The following MYH13 variants were observed in gnomAD, a reference collection of about 807,000 sequenced individuals.
MYH13 encodes the protein myosin-13.
MYH13 carries 177 observed loss-of-function variants against 232.1 expected under a neutral mutation model. That is an observed-to-expected ratio of 0.76 (90% CI 0.67 to 0.86). The LOEUF (loss-of-function observed/expected upper bound fraction) is 0.86, where lower values mean the gene tolerates loss of function less well. MYH13 is among the 40% of genes least tolerant of loss of function. MYH13 has a pLI of 0.00. For missense variants in MYH13, 2,246 were observed against 2,405.9 expected (o/e 0.93, Z 1.39); for synonymous variants, 884 against 923.5 (o/e 0.96, Z 0.78).
At chr17:10,365,929 C>G (rs1413426738) in intron 2 of MYH13, among the ~76,000 whole-genome samples, 1 of 150,184 alleles carries the variant, frequency 6.7e-6, no homozygotes, top group African/African-American at 2.5e-5. Context: ...TCTCTCATCC[C>G]TTGTATCACT....
chr17:10,345,255 C>T lies in MYH13; in HGVS notation c.1531G>A (p.Glu511Lys), dbSNP rs1307948615. 10 of 1,614,190 alleles carry T rather than the reference C, an allele frequency of 6.2e-6. No homozygotes were observed. Among genetic ancestry groups the T allele is most frequent in the Admixed American group, 3.3e-5 (2 of 60,020 alleles). The change falls in exon 15 of 41, where the codon GAG becomes AAG. Residue 511 changes from glutamate to lysine, a missense_variant. Physicochemically the swap from Glu to Lys is moderately conservative, Grantham distance 56 (BLOSUM62 1). Coordinates refer to ENST00000252172, the MANE Select transcript of MYH13 (RefSeq NM_003802.3). ...EEYKKEGIEW[E>K]FIDFGMDLAA... Reference sequence around the variant, plus strand: ...AGGTCCATTCCGAAGTCAATGAACTCCCACTCGATGCCTTCCTTCTTGTAC... The same window carrying T: ...AGGTCCATTCCGAAGTCAATGAACTTCCACTCGATGCCTTCCTTCTTGTAC...
rs902751527 is a variant in MYH13, at chr17:10,313,269, G to T, written c.4070C>A (p.Ala1357Asp). 1.5e-5 allele frequency: 24 copies of T among 1,614,232 alleles called. No homozygotes were observed. Among genetic ancestry groups the T allele is most frequent in the Non-Finnish European group, 1.9e-5 (23 of 1,180,050 alleles). The change falls in exon 30 of 41, where the codon GCC (alanine) becomes GAC (aspartate). Residue 1357 changes from alanine to aspartate, a missense_variant. Transcript: ENST00000252172. ...LREQYEEEQE[A>D]KAELQRALSK... ...CAGCGCCCTCTGCAGCTCGGCCTTGGCTTCCTGCTCCTCCTCATACTGTTC... is the reference window on the plus strand; with the variant it reads ...CAGCGCCCTCTGCAGCTCGGCCTTGTCTTCCTGCTCCTCCTCATACTGTTC...
intron 20 of MYH13, 41 bp downstream of exon 20, chr17:10,332,058 T>C: frequency 6.2e-7 from 1 of 1,611,352 alleles, no homozygotes; most frequent in East Asian, 2.2e-5. Flanking sequence ...AGCCCAGGGC[T>C]GTGGGGTTAC....
chr17:10,339,907 C>T (rs576801345), intron 18 of MYH13, among the ~76,000 whole-genome samples: 3 of 152,228 alleles, frequency 2.0e-5, no homozygotes, highest in Admixed American at 6.5e-5. Flanking sequence ...TTGATACAAG[C>T]GTGAAATGTG....
intron 13 of MYH13, among the ~76,000 whole-genome samples, chr17:10,346,008 A>AAC (rs1567668581): frequency 7.0e-6 from 1 of 142,426 alleles, no homozygotes; most frequent in African/African-American, 2.7e-5. Context: ...AAAAAAAAAA[A>AAC]AAAAACAAAA....
At chr17:10,358,364 C>A (rs1404283590) in intron 7 of MYH13, among the ~76,000 whole-genome samples, 1 of 152,180 alleles carries the variant, frequency 6.6e-6, no homozygotes, top group African/African-American at 2.4e-5. Context: ...ACCTCCATGA[C>A]TGCTTTATCC....
intron 39 of MYH13, 63 bp downstream of exon 39, chr17:10,303,133 G>T: frequency 1.4e-6 from 2 of 1,448,514 alleles, no homozygotes. Flanking sequence ...GGATGGCGGG[G>T]ACACCCAGGA....
In MYH13 at chr17:10,319,188, A is replaced by G. The variant is rs370684457; in HGVS notation, c.3349-9T>C. ...AGCTCTTCTATGCGGGCCTGAAAGG[A>G]TTACTCTATCAGGAATGTTATTGTG... On this transcript the variant is annotated splice_polypyrimidine_tract_variant and intron_variant, in intron 26 of 40. Coordinates refer to ENST00000252172, the MANE Select transcript of MYH13 (RefSeq NM_003802.3). The G allele has an allele frequency of 2.8e-5, 45 of 1,610,724 alleles. No homozygotes were observed. The highest frequency in any genetic ancestry group is 1.7e-4 in the Middle Eastern group (1 of 6,052).
In MYH13 at chr17:10,313,331, G is replaced by C. The variant is rs757888787; in HGVS notation, c.4008C>G (p.Ala1336=). The change falls in exon 30 of 41, where the codon GCC becomes GCG. Residue 1336 remains alanine, a synonymous_variant. Transcript: ENST00000252172. ...CACAGTCGTGGCGGGAGGACTGCAG[G>C]GCGTGCGCCATGGCGTTCTTGGCCT... The part of the protein sequence containing the change: ...ETKAKNAMAH[A]LQSSRHDCDL... 6 of 1,614,116 alleles carry C rather than the reference G, an allele frequency of 3.7e-6. No homozygotes were observed. Among genetic ancestry groups the C allele is most frequent in the Non-Finnish European group, 5.1e-6 (6 of 1,180,052 alleles).
rs150172421 is a variant in MYH13 at position 10,314,516 on chromosome 17, T to C, written c.3985-1162A>G. On this transcript the variant is annotated intron_variant, in intron 29 of 40. Coordinates refer to ENST00000252172, the MANE Select transcript of MYH13 (RefSeq NM_003802.3). ...AAGGACAGCCCGCTCCTGCAGTGGC[T>C]CTTCTCAGTACTTGTTCAGGCTTGG... Among the ~76,000 whole-genome samples, 347 of 152,250 alleles carry C rather than the reference T, an allele frequency of 2.3e-3. 4 individuals are homozygous for C. The East Asian group carries it at 0.026, about 12-fold the overall frequency.
At chr17:10,350,754 T>A in intron 11 of MYH13, 60 bp from the exon 12 acceptor site, 1 of 1,604,124 alleles carries the variant, frequency 6.2e-7, no homozygotes, top group Non-Finnish European at 8.5e-7. Flanking sequence ...TGCAGCCTTT[T>A]CTTGGCAAAG....
rs762413582 is a variant in MYH13 at position 10,311,895 on chromosome 17, G to A, written c.4531+16C>T. The stretch of plus-strand genomic sequence containing the variant: ...AGAGGGGGACATAGCACACACCAGT[G>A]GTGGAGACAGCTCACCTTGCAGATT... On this transcript the variant is annotated intron_variant, in intron 32 of 40. Coordinates refer to ENST00000252172, the MANE Select transcript of MYH13 (RefSeq NM_003802.3). The A allele has an allele frequency of 5.0e-6, 8 of 1,613,628 alleles. No individual in the cohort carries two copies. Among genetic ancestry groups the A allele is most frequent in the African/African-American group, 1.3e-5 (1 of 74,906 alleles).
intron 20 of MYH13, 36 bp from the exon 21 acceptor site, chr17:10,330,559 C>G (rs748009096): frequency 6.3e-7 from 1 of 1,576,334 alleles, no homozygotes; most frequent in Non-Finnish European, 8.6e-7. Flanking sequence ...GATCTTTTTC[C>G]CCAGCAGGCG....
chr17:10,337,447 G>C (rs56960266), intron 18 of MYH13, among the ~76,000 whole-genome samples: 1 of 152,124 alleles, frequency 6.6e-6, no homozygotes, highest in Non-Finnish European at 1.5e-5. Flanking sequence ...TGAAGTCCTA[G>C]AGGATTTGGG....
intron 37 of MYH13, among the ~76,000 whole-genome samples, chr17:10,305,709 A>AT (rs1179898735): frequency 6.6e-6 from 1 of 152,210 alleles, no homozygotes; most frequent in East Asian, 1.9e-4. Context: ...TTTTAAAATG[A>AT]TTGAAATAAA....
intron 2 of MYH13, among the ~76,000 whole-genome samples, chr17:10,366,562 G>A (rs1352858081): frequency 6.6e-6 from 1 of 151,916 alleles, no homozygotes; most frequent in Admixed American, 6.6e-5. Context: ...TGTATTCTTA[G>A]TAGAGATGGG....
At chr17:10,322,778 C>A (rs184636483) in intron 23 of MYH13, among the ~76,000 whole-genome samples, 1 of 151,882 alleles carries the variant, frequency 6.6e-6, no homozygotes, top group Non-Finnish European at 1.5e-5. Context: ...GGACTACAGG[C>A]GTCCGCCACC....
intron 13 of MYH13, among the ~76,000 whole-genome samples, 186 bp downstream of exon 13, chr17:10,346,494 T>C (rs867999453): frequency 6.6e-6 from 1 of 152,206 alleles, no homozygotes; most frequent in African/African-American, 2.4e-5. Flanking sequence ...CAGGTCCTCA[T>C]GGCGTCCAAT....
chr17:10,336,230 G>T (rs1200005725), intron 18 of MYH13, among the ~76,000 whole-genome samples: 3 of 152,108 alleles, frequency 2.0e-5, no homozygotes, highest in Non-Finnish European at 2.9e-5. Context: ...CTTAAACCCG[G>T]CCTGAGATGT....
Sources: gnomAD v4.1 joint callset for allele counts (sites outside exome capture counted in the v4.1 genomes callset) on GRCh38, gnomAD v4.1.1 for gene constraint, MANE v1.5 for transcripts, NCBI Gene and HGNC (gene_info 2026-07-23, HGNC 2026-07-21) for gene names.